The following MVB12B variants were observed in gnomAD, a reference collection of about 807,000 sequenced individuals.
The protein encoded by MVB12B is multivesicular body subunit 12B.
A neutral mutation model predicts 41.6 loss-of-function variants in MVB12B; 16 were observed. The ratio of observed to expected loss-of-function variants is 0.38; its 90% confidence interval spans 0.26 to 0.58. MVB12B has a LOEUF of 0.58. Among genes scored for constraint, MVB12B ranks in the 20% least tolerant of loss-of-function variants. MVB12B has a pLI of 0.62. For missense variants in MVB12B, 274 were observed against 380.2 expected (o/e 0.72, Z 2.32); for synonymous variants, 133 against 139.7 (o/e 0.95, Z 0.34).
At chr9:126,362,086 G>A (rs1236917982) in intron 2 of MVB12B, among the ~76,000 whole-genome samples, 1 of 152,020 alleles carries the variant, frequency 6.6e-6, no homozygotes, top group Non-Finnish European at 1.5e-5. Context: ...ATATACCTTG[G>A]TGTAGTTTTC....
chr9:126,482,527 T>A (rs1211650399), intron 8 of MVB12B, among the ~76,000 whole-genome samples: 1 of 152,078 alleles, frequency 6.6e-6, no homozygotes, highest in Non-Finnish European at 1.5e-5. Context: ...ATGGCGACGC[T>A]GGCGCCTCTG....
rs1218177258 is a variant in MVB12B, at chr9:126,486,631, AC to A, written c.873+2601del. Among the ~76,000 whole-genome samples, 1 of 152,140 alleles carries A rather than the reference AC, an allele frequency of 6.6e-6. No individual in the cohort carries two copies. Among genetic ancestry groups the A allele is most frequent in the African/African-American group, 2.4e-5 (1 of 41,440 alleles). On this transcript the variant is annotated intron_variant, in intron 9 of 9. Transcript: ENST00000361171. This position sits in a 1 kb window ranked among gnomAD's most constrained non-coding sequence, Gnocchi z 4.7. ...GCCTGCCTGTGGGCCTAATGGTGGCACCGTTTAAGCACCTGCTGTGTGCTCA... is the reference window on the plus strand; with the variant it reads ...GCCTGCCTGTGGGCCTAATGGTGGCACGTTTAAGCACCTGCTGTGTGCTCA...
intron 1 of MVB12B, among the ~76,000 whole-genome samples, chr9:126,339,252 C>G (rs1375895139): frequency 6.6e-6 from 1 of 152,168 alleles, no homozygotes; most frequent in Non-Finnish European, 1.5e-5. Context: ...TCTGCCTTTT[C>G]TGATTCTAGG....
intron 2 of MVB12B, among the ~76,000 whole-genome samples, chr9:126,362,101 T>G (rs749272575): frequency 6.6e-6 from 1 of 152,312 alleles, no homozygotes; most frequent in Admixed American, 6.5e-5. Flanking sequence ...GTTTTCTTAA[T>G]GTTTATTCTG....
Position 126,503,769 on chromosome 9 carries a change from T to A in MVB12B, c.*506T>A, listed in dbSNP as rs1402977420. 2.5e-5 allele frequency: 4 copies of A among 159,172 alleles called. No homozygotes were observed. The allele number at this position is 159,172 out of a possible 1,614,324, so 9.9% of individuals were successfully genotyped here. A position where few individuals can be genotyped will look rare whatever the true frequency, so the allele number is the denominator to read the frequency against. ...CCCAGGGCTGCCAGGAACAAGTTCC[T>A]CTCTGCAGGATCTCACAGCAGCCCT... On this transcript the variant is annotated 3_prime_UTR_variant, in exon 10 of 10. Coordinates refer to ENST00000361171, the MANE Select transcript of MVB12B (RefSeq NM_033446.3).
intron 1 of MVB12B, among the ~76,000 whole-genome samples, chr9:126,329,949 T>C (rs1301461913): frequency 7.4e-6 from 1 of 135,668 alleles, no homozygotes; most frequent in Admixed American, 7.6e-5. Context: ...CTCCTTGGCC[T>C]TCTGCTTGCT....
At chr9:126,469,091 C>G (rs1833259851) in intron 7 of MVB12B, among the ~76,000 whole-genome samples, 1 of 152,188 alleles carries the variant, frequency 6.6e-6, no homozygotes, top group Admixed American at 6.5e-5. Context: ...CAGGAAGACC[C>G]CTTGAGCCCA....
At chr9:126,491,648 A>G (rs573352376) in intron 9 of MVB12B, among the ~76,000 whole-genome samples, 3 of 152,246 alleles carry the variant, frequency 2.0e-5, no homozygotes, top group Non-Finnish European at 4.4e-5. Context: ...TAAAAGTTAG[A>G]TAAATAAAAA....
At chr9:126,362,063 C>T (rs1205352839) in intron 2 of MVB12B, among the ~76,000 whole-genome samples, 1 of 152,080 alleles carries the variant, frequency 6.6e-6, no homozygotes, top group African/African-American at 2.4e-5. Flanking sequence ...TGGTTTTAAG[C>T]ATTTTGATTA....
intron 8 of MVB12B, among the ~76,000 whole-genome samples, chr9:126,481,846 T>G (rs1833529594): frequency 6.6e-6 from 1 of 152,250 alleles, no homozygotes; most frequent in Non-Finnish European, 1.5e-5. Context: ...AGTTTTGTTC[T>G]TTCTTACTTA....
intron 2 of MVB12B, among the ~76,000 whole-genome samples, chr9:126,364,561 A>T (rs1175770962): frequency 6.6e-6 from 1 of 152,328 alleles, no homozygotes; most frequent in Admixed American, 6.5e-5. Context: ...ACTACTAATC[A>T]CATCCTGCTA....
intron 1 of MVB12B, among the ~76,000 whole-genome samples, chr9:126,338,591 C>A (rs1829353912): frequency 7.2e-6 from 1 of 138,110 alleles, no homozygotes; most frequent in Non-Finnish European, 1.6e-5. Context: ...AAAAAAAAAA[C>A]TTACCTCACA....
rs771550614 is a variant in MVB12B at position 126,392,057 on chromosome 9, T to G, written c.410-9T>G. On this transcript the variant is annotated splice_polypyrimidine_tract_variant and intron_variant, in intron 4 of 9. Coordinates refer to ENST00000361171, the MANE Select transcript of MVB12B (RefSeq NM_033446.3). The surrounding 1 kb of genome is among the most constrained non-coding windows in gnomAD (Gnocchi z 4.8). ...AAACTCATACCTTTTCTATTGTCCT[T>G]TCCTTCAGAGGAAGTGGCTTTTAGG... 11 of 1,614,036 alleles carry G rather than the reference T, an allele frequency of 6.8e-6. No homozygotes were observed. The highest frequency in any genetic ancestry group is 9.3e-6 in the Non-Finnish European group (11 of 1,179,972).
At chr9:126,460,569 A>G (rs1172957305) in intron 7 of MVB12B, among the ~76,000 whole-genome samples, 1 of 150,386 alleles carries the variant, frequency 6.6e-6, no homozygotes, top group Non-Finnish European at 1.5e-5. Flanking sequence ...AGCCAGGAGC[A>G]GCCAAGCAGC....
chr9:126,383,063 G>A (rs552826415), intron 3 of MVB12B, among the ~76,000 whole-genome samples: 5 of 152,278 alleles, frequency 3.3e-5, no homozygotes, highest in African/African-American at 9.6e-5. Flanking sequence ...CCAATAGTGC[G>A]ATCCAAACGA....
rs563048706 is a variant in MVB12B at position 126,403,448 on chromosome 9, T to C, written c.662+7751T>C. Among the ~76,000 whole-genome samples the C allele has an allele frequency of 2.9e-4, 44 of 152,298 alleles. 1 individual carries two copies. The South Asian group carries it at 8.7e-3, about 30-fold the overall frequency. On this transcript the variant is annotated intron_variant, in intron 6 of 9. Transcript: ENST00000361171. The stretch of plus-strand genomic sequence containing the variant: ...AAAGCCTGGCCTGCGTCGTTTTCCT[T>C]CTTCTCCTCCAGTTGCCTGCGTCAT...
intron 6 of MVB12B, among the ~76,000 whole-genome samples, chr9:126,398,311 C>T (rs1831175635): frequency 2.0e-5 from 3 of 151,974 alleles, no homozygotes; most frequent in Admixed American, 2.0e-4. Context: ...TCAGTTTCAC[C>T]ATAAATGCGT....
chr9:126,418,175 GTGGTGGGCAGAAAGAA>G (rs1214506479), intron 6 of MVB12B, among the ~76,000 whole-genome samples: 38 of 151,172 alleles, frequency 2.5e-4, no homozygotes, highest in Non-Finnish European at 4.7e-4. Flanking sequence ...GGGGTGGGGG[GTGGTGGGCAGAAAGAA>G]TCATCTCCAA....
intron 2 of MVB12B, among the ~76,000 whole-genome samples, chr9:126,372,512 C>T (rs542324795): frequency 2.6e-5 from 4 of 152,328 alleles, no homozygotes; most frequent in East Asian, 1.9e-4. Flanking sequence ...GGCTCGCATT[C>T]GTCCACATCC....
Sources: allele counts gnomAD v4.1 joint callset (sites outside exome capture counted in the v4.1 genomes callset), GRCh38; gene constraint gnomAD v4.1.1; non-coding constraint Gnocchi (gnomAD v3.1); transcripts MANE v1.5; gene names NCBI Gene and HGNC (gene_info 2026-07-23, HGNC 2026-07-21).